Variants in SNX10 observed in about 807,000 individuals in gnomAD.
SNX10 encodes the protein sorting nexin 10.
A neutral mutation model predicts 28.5 loss-of-function variants in SNX10; 25 were observed. The observed-to-expected ratio is 0.88, with a 90% CI of 0.64 to 1.22. The LOEUF is 1.22. Among genes scored for constraint, SNX10 ranks in the 50% most tolerant of loss-of-function variants. The pLI is 0.00. For missense variants in SNX10, 223 were observed against 242.6 expected (o/e 0.92, Z 0.54); for synonymous variants, 62 against 81.4 (o/e 0.76, Z 1.28).
intron 1 of SNX10, among the ~76,000 whole-genome samples, chr7:26,299,614 A>G (rs1309292195): frequency 6.6e-6 from 1 of 150,910 alleles, no homozygotes; most frequent in East Asian, 2.0e-4. Flanking sequence ...TATTTTTAGT[A>G]GAGACAGGGT....
At chr7:26,327,859 A>G (rs1250066567) in intron 1 of SNX10, among the ~76,000 whole-genome samples, 1 of 148,570 alleles carries the variant, frequency 6.7e-6, no homozygotes. Context: ...CCTCCTGAGT[A>G]GCTGGGACTA....
chr7:26,368,589 A>G (rs1325392551), intron 5 of SNX10, among the ~76,000 whole-genome samples: 2 of 152,174 alleles, frequency 1.3e-5, no homozygotes, highest in African/African-American at 2.4e-5. Context: ...TAATACAACT[A>G]CATTTACCCT....
At chr7:26,302,617 T>G (rs1786419758) in intron 1 of SNX10, among the ~76,000 whole-genome samples, 1 of 152,244 alleles carries the variant, frequency 6.6e-6, no homozygotes, top group African/African-American at 2.4e-5. Flanking sequence ...TCTTATTCTT[T>G]GTTTTCACCA....
At position 26,360,982 on chromosome 7, in the gene SNX10, T is replaced by C; in HGVS notation, c.32T>C (p.Val11Ala). 6.2e-7 allele frequency: 1 copy of C among 1,613,336 alleles called. No individual in the cohort carries two copies. Among genetic ancestry groups the C allele is most frequent in the Non-Finnish European group, 8.5e-7 (1 of 1,179,780 alleles). ...TTTATGATGCCATTACAGGAATTTG[T>C]AAGTGTCTGGGTTCGAGATCCTAGG... MFPEQQKEEF[V>A]SVWVRDPRIQ... Residue 11 changes from valine (V) to alanine (A), a missense_variant, in exon 3 of 7, where the codon GTA becomes GCA. Physicochemically the swap from Val to Ala is moderately conservative, Grantham distance 64 (BLOSUM62 0). Coordinates refer to ENST00000338523, the MANE Select transcript of SNX10 (RefSeq NM_013322.3).
At chr7:26,354,439 C>A (rs1016381654) in intron 2 of SNX10, among the ~76,000 whole-genome samples, 8 of 152,192 alleles carry the variant, frequency 5.3e-5, no homozygotes, top group Non-Finnish European at 1.0e-4. Flanking sequence ...TCCCACCCAC[C>A]CACCAGGCTC....
At chr7:26,330,002 C>G (rs902699248) in intron 1 of SNX10, among the ~76,000 whole-genome samples, 4 of 152,070 alleles carry the variant, frequency 2.6e-5, no homozygotes, top group African/African-American at 9.7e-5. Flanking sequence ...TCAAGTGGAA[C>G]AGCCGATTGG....
chr7:26,320,539 T>C (rs1476136061), intron 1 of SNX10, among the ~76,000 whole-genome samples: 2 of 152,086 alleles, frequency 1.3e-5, no homozygotes. Flanking sequence ...CCAAGTGATT[T>C]CTCCTGCCTC....
intron 1 of SNX10, among the ~76,000 whole-genome samples, chr7:26,295,628 A>G (rs1786078077): frequency 6.6e-6 from 1 of 152,232 alleles, no homozygotes; most frequent in African/African-American, 2.4e-5. Flanking sequence ...TTATAGCCTG[A>G]TAGTTCCCTG....
rs1417964496 is a variant in SNX10 at position 26,291,954 on chromosome 7, G to C, written c.-156G>C. On this transcript the variant is annotated 5_prime_UTR_variant, in exon 1 of 7. Coordinates refer to ENST00000338523, the MANE Select transcript of SNX10 (RefSeq NM_013322.3). ...GGAGCGCGGGGAGCGCGGGGAGCGC[G>C]GGGCTGCGCTCGTGTGCGCTCCTGG... 2.7e-5 allele frequency: 4 copies of C among 150,340 alleles called. No homozygotes were observed. The highest frequency in any genetic ancestry group is 9.7e-5 in the African/African-American group (4 of 41,132). 9.3% of individuals were successfully genotyped at this position (150,340 alleles called of 1,614,324 possible).
chr7:26,334,362 A>G (rs1006243425), intron 1 of SNX10, among the ~76,000 whole-genome samples: 3 of 152,158 alleles, frequency 2.0e-5, no homozygotes, highest in African/African-American at 7.2e-5. Flanking sequence ...GCCAGTGGTC[A>G]TTTCCTCTCT....
intron 2 of SNX10, among the ~76,000 whole-genome samples, chr7:26,354,757 A>T (rs1009469224): frequency 6.6e-6 from 1 of 152,074 alleles, no homozygotes; most frequent in African/African-American, 2.4e-5. Flanking sequence ...ATATTTCTTC[A>T]ATCTTTAATT....
At chr7:26,298,834 C>G (rs551887270) in intron 1 of SNX10, among the ~76,000 whole-genome samples, 11 of 152,310 alleles carry the variant, frequency 7.2e-5, no homozygotes, top group Non-Finnish European at 1.0e-4. Context: ...GTGCTGCGTC[C>G]TCACATGGTG....
At chr7:26,328,221 G>A (rs543037827) in intron 1 of SNX10, among the ~76,000 whole-genome samples, 1 of 152,132 alleles carries the variant, frequency 6.6e-6, no homozygotes, top group Non-Finnish European at 1.5e-5. Flanking sequence ...GGACTGTAAG[G>A]GCTGGCTGAC....
At chr7:26,368,132 A>G (rs1371146700) in intron 5 of SNX10, among the ~76,000 whole-genome samples, 1 of 152,216 alleles carries the variant, frequency 6.6e-6, no homozygotes, top group Non-Finnish European at 1.5e-5. Flanking sequence ...AACACTTTCT[A>G]CGTGTTTGGC....
intron 1 of SNX10, among the ~76,000 whole-genome samples, chr7:26,295,472 T>C (rs1261338455): frequency 3.3e-5 from 5 of 152,214 alleles, no homozygotes; most frequent in Admixed American, 3.3e-4. Flanking sequence ...TATTCACCAT[T>C]TTATTCTAAT....
At chr7:26,367,433 T>C (rs1789338804) in intron 5 of SNX10, among the ~76,000 whole-genome samples, 1 of 152,226 alleles carries the variant, frequency 6.6e-6, no homozygotes, top group South Asian at 2.1e-4. Context: ...TTTGTTCCCC[T>C]GTGGTATGTG....
chr7:26,363,651 ACT>A (rs1789172989), intron 3 of SNX10, among the ~76,000 whole-genome samples: 1 of 152,076 alleles, frequency 6.6e-6, no homozygotes, highest in Non-Finnish European at 1.5e-5. Flanking sequence ...GAGAATATTT[ACT>A]CTCGTCTTAT....
chr7:26,371,994 A>G lies in SNX10; in HGVS notation c.485A>G (p.Glu162Gly), dbSNP rs1389034125. 6.2e-7 allele frequency: 1 copy of G among 1,612,234 alleles called. No homozygotes were observed. The highest frequency in any genetic ancestry group is 8.5e-7 in the Non-Finnish European group (1 of 1,178,652). Residue 162 changes from glutamate to glycine, a missense_variant, in exon 6 of 7, where the codon GAA (glutamate) becomes GGA (glycine). Glu to Gly is a moderately conservative substitution (Grantham distance 98, BLOSUM62 -2). Coordinates refer to ENST00000338523, the MANE Select transcript of SNX10 (RefSeq NM_013322.3). ...MNRRFPEEDE[E>G]GKKENDIDYD... ...AGACGTTTCCCTGAAGAAGATGAAG[A>G]AGGAAAAAAAGAAAATGATATAGAT...
At chr7:26,341,494 T>C (rs1333772826) in intron 1 of SNX10, among the ~76,000 whole-genome samples, 1 of 91,386 alleles carries the variant, frequency 1.1e-5, no homozygotes, top group African/African-American at 4.7e-5. Flanking sequence ...GAATTCTCTA[T>C]GTGCATTTTT....
Sources: gnomAD v4.1 joint callset for allele counts (sites outside exome capture counted in the v4.1 genomes callset) on GRCh38, gnomAD v4.1.1 for gene constraint, MANE v1.5 for transcripts, NCBI Gene and HGNC (gene_info 2026-07-23, HGNC 2026-07-21) for gene names.